CHST7: variants seen among roughly 807,000 people sequenced by gnomAD.
CHST7 encodes the protein carbohydrate sulfotransferase 7, also known as N-acetylglucosamine 6-O-sulfotransferase 4.
CHST7 carries 5 observed loss-of-function variants against 9.0 expected under a neutral mutation model. The ratio of observed to expected loss-of-function variants is 0.56; its 90% CI spans 0.29 to 1.17. CHST7 has a LOEUF of 1.17. Ranked by LOEUF, CHST7 falls within the 50% of genes most tolerant of loss-of-function variation. CHST7 has a pLI of 0.08. For synonymous variants in CHST7, 244 were observed against 237.1 expected, an observed-to-expected ratio of 1.03 and a Z score of -0.27; for missense variants, 377 against 485.1, an observed-to-expected ratio of 0.78 and a Z score of 2.09.
At chrX:46,575,683 G>T (rs1942496067) in intron 1 of CHST7, among the ~76,000 whole-genome samples, 1 of 112,332 alleles carries the variant, frequency 8.9e-6, no homozygotes, top group African/African-American at 3.2e-5. Flanking sequence ...CCAGGTCTCT[G>T]CATTCCCATT....
chrX:46,596,036 G>A (rs1201442564), intron 1 of CHST7, among the ~76,000 whole-genome samples: 1 of 108,943 alleles, frequency 9.2e-6, no homozygotes, highest in Non-Finnish European at 1.9e-5. Flanking sequence ...TACTCGGGAG[G>A]CTGAGGCACG....
rs917904027 is a variant in CHST7, at chrX:46,579,829, A to C, written c.*31+4406A>C. Among the ~76,000 whole-genome samples the C allele has an allele frequency of 2.7e-5, 3 of 109,882 alleles. No homozygotes were observed. The Admixed American group carries it at 3.0e-4, about 11-fold the overall frequency. The stretch of plus-strand genomic sequence containing the variant: ...GTGAGACAACCCCCACCATCTTTAC[A>C]ATTTTTTTTTAAACTAGCTGAGGGT... On this transcript the variant is annotated intron_variant, in intron 1 of 1. Coordinates refer to ENST00000276055, the MANE Select transcript of CHST7 (RefSeq NM_019886.4).
chrX:46,575,823 A>C (rs992652127), intron 1 of CHST7, among the ~76,000 whole-genome samples: 4 of 111,879 alleles, frequency 3.6e-5, no homozygotes, highest in Non-Finnish European at 7.5e-5. Context: ...GAGGTTGATG[A>C]TTATGGAGTT....
At chrX:46,584,560 C>T (rs1942540166) in intron 1 of CHST7, among the ~76,000 whole-genome samples, 1 of 80,633 alleles carries the variant, frequency 1.2e-5, no homozygotes, top group Non-Finnish European at 2.3e-5. Context: ...AAAAAGGTGC[C>T]CTGAAGATAG....
chrX:46,578,705 T>C (rs1942511521), intron 1 of CHST7, among the ~76,000 whole-genome samples: 1 of 109,943 alleles, frequency 9.1e-6, no homozygotes, highest in African/African-American at 3.3e-5. Context: ...GGATTATGGA[T>C]GTGAATCACT....
At chrX:46,583,752 T>G (rs1942535823) in intron 1 of CHST7, among the ~76,000 whole-genome samples, 1 of 112,261 alleles carries the variant, frequency 8.9e-6, no homozygotes, top group Non-Finnish European at 1.9e-5. Context: ...TCCTCTCTCC[T>G]GGCTATTTTG....
At chrX:46,582,052 T>G (rs1348955316) in intron 1 of CHST7, among the ~76,000 whole-genome samples, 2 of 112,291 alleles carry the variant, frequency 1.8e-5, no homozygotes, top group Non-Finnish European at 3.8e-5. Flanking sequence ...GATTGAACTC[T>G]ATTTATTGTT....
Position 46,575,061 on chromosome X carries a change from A to G in CHST7, c.1130A>G (p.Asp377Gly). The change falls in exon 1 of 2, where the codon GAC (aspartate) becomes GGC (glycine). Residue 377 changes from aspartate (D) to glycine (G), a missense_variant. Transcript: ENST00000276055. Reference sequence around the variant, plus strand: ...CGCTACCTGAGGCTGCGCTATGAGGACCTGGTGCGGCAGCCACGCGCCCAG... The same window carrying G: ...CGCTACCTGAGGCTGCGCTATGAGGGCCTGGTGCGGCAGCCACGCGCCCAG... ...RRRYLRLRYE[D>G]LVRQPRAQLR... The G allele has an allele frequency of 8.8e-7, 1 of 1,131,315 alleles. No individual in the cohort carries two copies. The highest frequency in any genetic ancestry group is 1.2e-6 in the Non-Finnish European group (1 of 864,898). The allele number at this position is 1,131,315 out of a possible 1,213,427, so 93.2% of individuals were successfully genotyped here. A position where few individuals can be genotyped will look rare whatever the true frequency, so the allele number is the denominator to read the frequency against.
At position 46,595,863 on chromosome X, in the gene CHST7, C is replaced by T. The variant is rs778681297; in HGVS notation, c.*32-1897C>T. ...CTAGAAGTCAGCCCATCTGGCTGGGCGCGGTGGCTCACATCTGTAATCCTA... is the reference window on the plus strand; with the variant it reads ...CTAGAAGTCAGCCCATCTGGCTGGGTGCGGTGGCTCACATCTGTAATCCTA... On this transcript the variant is annotated intron_variant, in intron 1 of 1. Transcript: ENST00000276055. Among the ~76,000 whole-genome samples, 4 of 111,521 alleles carry T rather than the reference C, an allele frequency of 3.6e-5. No homozygotes were observed. In the South Asian group the frequency reaches 1.1e-3, roughly 31 times the overall value.
Position 46,574,529 on chromosome X carries a change from G to A in CHST7, c.598G>A (p.Val200Ile), listed in dbSNP as rs1206794004. Reference protein sequence around the residue: ...AALFRWRTNKVICSPPLCPGA... With the variant: ...AALFRWRTNKIICSPPLCPGA... ...CCTCTTCCGCTGGCGGACTAACAAGGTCATCTGCTCGCCGCCACTGTGTCC... is the reference window on the plus strand; with the variant it reads ...CCTCTTCCGCTGGCGGACTAACAAGATCATCTGCTCGCCGCCACTGTGTCC... Residue 200 changes from valine (V) to isoleucine (I), a missense_variant, in exon 1 of 2, where the codon GTC (valine) becomes ATC (isoleucine). This residue lies in a region of CHST7 where 239 missense variants were observed against 325.7 expected (regional missense o/e 0.73). Coordinates refer to ENST00000276055, the MANE Select transcript of CHST7 (RefSeq NM_019886.4). 2 of 1,207,476 alleles carry A rather than the reference G, an allele frequency of 1.7e-6. No homozygotes were observed. The highest frequency in any genetic ancestry group is 2.2e-6 in the Non-Finnish European group (2 of 893,330).
chrX:46,575,111 G>T lies in CHST7; in HGVS notation c.1180G>T (p.Gly394Trp). 9.0e-7 allele frequency: 1 copy of T among 1,108,870 alleles called. No homozygotes were observed. The highest frequency in any genetic ancestry group is 2.1e-5 in the South Asian group (1 of 47,044). The allele number at this position is 1,108,870 out of a possible 1,213,427, so 91.4% of individuals were successfully genotyped here. A position where few individuals can be genotyped will look rare whatever the true frequency, so the allele number is the denominator to read the frequency against. Reference protein sequence around the residue: ...AQLRRLLRFSGLRALAALDAF... With the variant: ...AQLRRLLRFSWLRALAALDAF... ...GCTGCGCCGCCTGCTGCGCTTCTCC[G>T]GGCTACGCGCGCTCGCAGCGCTCGA... Residue 394 changes from glycine to tryptophan, a missense_variant, in exon 1 of 2, where the codon GGG becomes TGG. Transcript: ENST00000276055.
intron 1 of CHST7, among the ~76,000 whole-genome samples, chrX:46,586,798 C>T (rs1464413679): frequency 1.8e-5 from 2 of 109,227 alleles, no homozygotes; most frequent in Non-Finnish European, 3.8e-5. Flanking sequence ...TGCAATAGCA[C>T]GATCTCGGTT....
At chrX:46,585,295 C>CTTTTTTTTTTTTTTTTTTTTTTTTTTTT in intron 1 of CHST7, among the ~76,000 whole-genome samples, 1 of 23,315 alleles carries the variant, frequency 4.3e-5, no homozygotes, top group Admixed American at 3.9e-4. Context: ...CTTTTCTTTT[C>CTTTTTTTTTTTTTTTTTTTTTTTTTTTT]TTTTTTTTTT....
intron 1 of CHST7, among the ~76,000 whole-genome samples, chrX:46,592,482 C>T (rs1220864213): frequency 3.6e-5 from 4 of 112,339 alleles, no homozygotes; most frequent in Non-Finnish European, 7.5e-5. Context: ...CCTGCCTCAG[C>T]CTCCTGAGTA....
rs1942604282 is a variant in CHST7, at chrX:46,597,885, TCTG to T, written c.*161_*163del. 8.8e-6 allele frequency: 1 copy of T among 113,184 alleles called. No homozygotes were observed. Among genetic ancestry groups the T allele is most frequent in the Non-Finnish European group, 1.9e-5 (1 of 53,409 alleles). 9.3% of individuals were successfully genotyped at this position (113,184 alleles called of 1,213,427 possible). A position where few individuals can be genotyped will look rare whatever the true frequency, so the allele number is the denominator to read the frequency against. On this transcript the variant is annotated 3_prime_UTR_variant, in exon 2 of 2. Transcript: ENST00000276055. Reference sequence around the variant, plus strand: ...TTGCTACCAACAACTGCTGTGCAATTCTGCTGAGCAGGAATATCATGAGCTGTT... The same window carrying T: ...TTGCTACCAACAACTGCTGTGCAATTCTGAGCAGGAATATCATGAGCTGTT...
At position 46,573,806 on chromosome X, in the gene CHST7, G is replaced by A; in HGVS notation, c.-126G>A. On this transcript the variant is annotated 5_prime_UTR_variant, in exon 1 of 2. Transcript: ENST00000276055. ...TCCAAGTTTCCCCTTGTGGATGCGC[G>A]GCCCCGCGGCTCTGCTCCTCCCGGC... 1.0e-6 allele frequency: 1 copy of A among 1,002,163 alleles called. No individual in the cohort carries two copies. Among genetic ancestry groups the A allele is most frequent in the Non-Finnish European group, 1.3e-6 (1 of 768,814 alleles). The allele number at this position is 1,002,163 out of a possible 1,213,427, so 82.6% of individuals were successfully genotyped here.
Position 46,573,815 on chromosome X carries a change from G to A in CHST7, c.-117G>A. 1 of 1,040,809 alleles carries A rather than the reference G, an allele frequency of 9.6e-7. No individual in the cohort carries two copies. Among genetic ancestry groups the A allele is most frequent in the Admixed American group, 3.7e-5 (1 of 27,118 alleles). The allele number at this position is 1,040,809 out of a possible 1,213,427, so 85.8% of individuals were successfully genotyped here. A position where few individuals can be genotyped will look rare whatever the true frequency, so the allele number is the denominator to read the frequency against. On this transcript the variant is annotated 5_prime_UTR_variant, in exon 1 of 2. Coordinates refer to ENST00000276055, the MANE Select transcript of CHST7 (RefSeq NM_019886.4). ...CCCCTTGTGGATGCGCGGCCCCGCG[G>A]CTCTGCTCCTCCCGGCGCAGAGGGG...
intron 1 of CHST7, among the ~76,000 whole-genome samples, chrX:46,581,618 G>A (rs770602607): frequency 7.2e-4 from 79 of 109,627 alleles, no homozygotes; most frequent in Non-Finnish European, 1.3e-3. Context: ...TTTTTGAGGC[G>A]GAGTTTCGCT....
chrX:46,575,081 G>A lies in CHST7; in HGVS notation c.1150G>A (p.Ala384Thr). 8.9e-7 allele frequency: 1 copy of A among 1,120,842 alleles called. No individual in the cohort carries two copies. The highest frequency in any genetic ancestry group is 1.2e-6 in the Non-Finnish European group (1 of 858,995). The allele number at this position is 1,120,842 out of a possible 1,213,427, so 92.4% of individuals were successfully genotyped here. The change falls in exon 1 of 2, where the codon GCC (alanine) becomes ACC (threonine). Residue 384 changes from alanine (A) to threonine (T), a missense_variant. Around this residue, in one of 3 missense-constraint regions of CHST7, gnomAD observed 130 missense variants for 134.9 expected, o/e 0.96. Transcript: ENST00000276055. ...RYEDLVRQPR[A>T]QLRRLLRFSG... Reference sequence around the variant, plus strand: ...TGAGGACCTGGTGCGGCAGCCACGCGCCCAGCTGCGCCGCCTGCTGCGCTT... The same window carrying A: ...TGAGGACCTGGTGCGGCAGCCACGCACCCAGCTGCGCCGCCTGCTGCGCTT...
Sources: gnomAD v4.1 joint callset for allele counts (sites outside exome capture counted in the v4.1 genomes callset) on GRCh38, gnomAD v4.1.1 for gene constraint, gnomAD v4.1.1 regional missense constraint, MANE v1.5 for transcripts, NCBI Gene and HGNC (gene_info 2026-07-23, HGNC 2026-07-21) for gene names.